The following ADGRB3 variants were observed in gnomAD, a reference collection of about 807,000 sequenced individuals.
ADGRB3 encodes the protein adhesion G protein-coupled receptor B3, also known as brain-specific angiogenesis inhibitor 3.
In ADGRB3, 37 loss-of-function variants were observed where a neutral mutation model predicts 193.4. That is an observed-to-expected ratio of 0.19 (90% CI 0.15 to 0.25). The LOEUF (loss-of-function observed/expected upper bound fraction) is 0.25. Ranked by LOEUF, ADGRB3 falls within the 10% of genes least tolerant of loss-of-function variation. ADGRB3 has a pLI of 1.00. For missense variants in ADGRB3, 1,637 were observed against 1,852.9 expected (o/e 0.88, Z 2.14); for synonymous variants, 690 against 644.2 (o/e 1.07, Z -1.08).
At chr6:69,379,902 C>A (rs1385474769) in intron 30 of ADGRB3, among the ~76,000 whole-genome samples, 1 of 151,990 alleles carries the variant, frequency 6.6e-6, no homozygotes, top group African/African-American at 2.4e-5. Flanking sequence ...TTTCCATATT[C>A]ATTTCAGCGT....
intron 10 of ADGRB3, among the ~76,000 whole-genome samples, chr6:68,988,536 A>G (rs771191573): frequency 2.0e-5 from 3 of 152,174 alleles, no homozygotes; most frequent in Non-Finnish European, 4.4e-5. Flanking sequence ...TGACTTCTGC[A>G]TAAACTATAG....
chr6:68,783,310 C>T (rs908238670), intron 3 of ADGRB3, among the ~76,000 whole-genome samples: 6 of 140,082 alleles, frequency 4.3e-5, no homozygotes, highest in African/African-American at 1.3e-4. Context: ...ATATATATAA[C>T]ATACATATAT....
At chr6:68,920,751 A>T (rs1767020228) in intron 3 of ADGRB3, among the ~76,000 whole-genome samples, 1 of 152,108 alleles carries the variant, frequency 6.6e-6, no homozygotes, top group South Asian at 2.1e-4. Context: ...TATATTGAAC[A>T]AAATGATAAA....
At chr6:69,333,310 G>T (rs1462679103) in intron 24 of ADGRB3, among the ~76,000 whole-genome samples, 2 of 152,142 alleles carry the variant, frequency 1.3e-5, no homozygotes, top group Non-Finnish European at 2.9e-5. Context: ...TTAGGTAAGG[G>T]TTTTCAAAGC....
chr6:69,299,881 A>G (rs1290427469), intron 20 of ADGRB3, among the ~76,000 whole-genome samples: 1 of 151,650 alleles, frequency 6.6e-6, no homozygotes, highest in Admixed American at 6.6e-5. Context: ...TTGTGATTCC[A>G]TTTAAATTTA....
intron 3 of ADGRB3, among the ~76,000 whole-genome samples, chr6:68,730,021 A>G (rs556336147): frequency 3.6e-4 from 54 of 151,726 alleles, no homozygotes; most frequent in African/African-American, 1.3e-3. Context: ...GCTGTATTTT[A>G]TTCAATCTGC....
chr6:68,754,458 G>C (rs1222232464), intron 3 of ADGRB3, among the ~76,000 whole-genome samples: 1 of 152,098 alleles, frequency 6.6e-6, no homozygotes, highest in Non-Finnish European at 1.5e-5. Flanking sequence ...ACCATTAATA[G>C]CTCTGCCTTT....
chr6:68,997,649 T>C (rs1769426257), intron 11 of ADGRB3, among the ~76,000 whole-genome samples: 1 of 110,296 alleles, frequency 9.1e-6, no homozygotes, highest in Non-Finnish European at 1.8e-5. Context: ...TGACACTCTG[T>C]CTTAAATAAA....
At chr6:68,714,477 T>C (rs1038755965) in intron 3 of ADGRB3, among the ~76,000 whole-genome samples, 13 of 151,682 alleles carry the variant, frequency 8.6e-5, no homozygotes, top group African/African-American at 2.7e-4. Context: ...TGGAAAATAA[T>C]GATGAAAAAT....
chr6:69,255,919 A>G (rs1412115892), intron 20 of ADGRB3, among the ~76,000 whole-genome samples: 1 of 152,304 alleles, frequency 6.6e-6, no homozygotes, highest in East Asian at 1.9e-4. Flanking sequence ...CTTTCTACAT[A>G]TGGCTATCCA....
At chr6:69,158,435 CA>C (rs371530711) in intron 17 of ADGRB3, among the ~76,000 whole-genome samples, 1 of 146,364 alleles carries the variant, frequency 6.8e-6, no homozygotes, top group African/African-American at 2.5e-5. Context: ...AAAGTTCAGC[CA>C]AAAAAAAAAA....
intron 31 of ADGRB3, among the ~76,000 whole-genome samples, chr6:69,387,865 G>A (rs751378165): frequency 2.6e-5 from 4 of 151,920 alleles, no homozygotes; most frequent in Non-Finnish European, 4.4e-5. Flanking sequence ...GAGCAGGGAA[G>A]GCTTACACTC....
At chr6:69,256,134 C>T (rs1213576253) in intron 20 of ADGRB3, among the ~76,000 whole-genome samples, 161 of 150,944 alleles carry the variant, frequency 1.1e-3, no homozygotes, top group African/African-American at 3.5e-3. Context: ...AGTCAGGTAG[C>T]GTGATGCCTC....
intron 3 of ADGRB3, among the ~76,000 whole-genome samples, chr6:68,656,078 A>G (rs911973210): frequency 5.9e-5 from 9 of 151,614 alleles, no homozygotes; most frequent in African/African-American, 2.2e-4. Context: ...AGCAGAGTCA[A>G]TTGAAAAATA....
chr6:68,836,704 G>A (rs1040674405), intron 3 of ADGRB3, among the ~76,000 whole-genome samples: 2 of 152,058 alleles, frequency 1.3e-5, no homozygotes, highest in South Asian at 2.1e-4. Flanking sequence ...GAAGTGAAAC[G>A]TTGGCTGGGT....
At chr6:69,158,577 TA>T (rs1188916386) in intron 17 of ADGRB3, among the ~76,000 whole-genome samples, 2 of 151,954 alleles carry the variant, frequency 1.3e-5, no homozygotes, top group African/African-American at 2.4e-5. Flanking sequence ...AAATAGAAAA[TA>T]AAAAATAAAT....
intron 17 of ADGRB3, among the ~76,000 whole-genome samples, chr6:69,112,403 G>A (rs1773390913): frequency 6.6e-6 from 1 of 152,124 alleles, no homozygotes; most frequent in South Asian, 2.1e-4. Context: ...AAAATCATAT[G>A]ACTCACCTGG....
intron 3 of ADGRB3, among the ~76,000 whole-genome samples, chr6:68,818,674 C>T (rs1767684368): frequency 6.6e-6 from 1 of 152,056 alleles, no homozygotes; most frequent in African/African-American, 2.4e-5. Flanking sequence ...AATTATTTAT[C>T]ACATGCAGCT....
chr6:69,186,950 T>TG (rs932174268), intron 17 of ADGRB3, among the ~76,000 whole-genome samples: 9 of 151,624 alleles, frequency 5.9e-5, no homozygotes, highest in East Asian at 1.9e-4. Flanking sequence ...TTTTGTTTTT[T>TG]TTTTTTGACA....
Sources: gnomAD v4.1 joint callset for allele counts (sites outside exome capture counted in the v4.1 genomes callset) on GRCh38, gnomAD v4.1.1 for gene constraint, MANE v1.5 for transcripts, NCBI Gene and HGNC (gene_info 2026-07-23, HGNC 2026-07-21) for gene names.